The following GCC1 variants were observed in gnomAD, a reference collection of about 807,000 sequenced individuals.
GCC1 encodes GRIP and coiled-coil domain containing 1.
In GCC1, 36 loss-of-function variants were observed where a neutral mutation model predicts 62.5. The ratio of observed to expected loss-of-function variants is 0.58; its 90% CI spans 0.44 to 0.76. The LOEUF (loss-of-function observed/expected upper bound fraction) is 0.76. GCC1 is among the 30% of genes least tolerant of loss of function. The probability of loss-of-function intolerance (pLI) is 0.00; values close to 1 mark genes in which losing one functional copy is unlikely to be tolerated. For synonymous variants in GCC1, 391 were observed against 386.8 expected, an observed-to-expected ratio of 1.01 and a Z score of -0.13; for missense variants, 885 against 948.3, an observed-to-expected ratio of 0.93 and a Z score of 0.88.
In GCC1 at chr7:127,581,940, G is replaced by A. The variant is rs1794138683; in HGVS notation, c.*74C>T. 9.0e-7 allele frequency: 1 copy of A among 1,112,752 alleles called. No homozygotes were observed. The allele number at this position is 1,112,752 out of a possible 1,614,324, so 68.9% of individuals were successfully genotyped here. ...AAATAAATGACAATGTAAGAGAAGA[G>A]GCAGCAGAAACCAGAGCCTGCCCTT... On this transcript the variant is annotated 3_prime_UTR_variant, in exon 2 of 2. Transcript: ENST00000321407.
chr7:127,583,336 T>C (rs773196041), intron 1 of GCC1, 27 bp from the exon 2 acceptor site: 1 of 1,539,094 alleles, frequency 6.5e-7, no homozygotes, highest in Non-Finnish European at 8.8e-7. Flanking sequence ...CAGACAAAAA[T>C]GCATCCACAA....
rs1176596368 is a variant in GCC1, at chr7:127,582,676, G to C, written c.1666C>G (p.Leu556Val). ...CGGTGGAGCTGCTGCAGCCGGGCCA[G>C]CTCCTGCTTCCAGTCATCAGCCTCC... ...QQEADDWKQE[L>V]ARLQQLHRQE... Residue 556 changes from leucine to valine, a missense_variant, in exon 2 of 2, where the codon CTG becomes GTG. Coordinates refer to ENST00000321407, the MANE Select transcript of GCC1 (RefSeq NM_024523.6). The surrounding 1 kb of genome is among the most constrained non-coding windows in gnomAD (Gnocchi z 4.8). 3 of 1,613,856 alleles carry C rather than the reference G, an allele frequency of 1.9e-6. No individual in the cohort carries two copies. Among genetic ancestry groups the C allele is most frequent in the African/African-American group, 2.7e-5 (2 of 75,060 alleles).
At position 127,584,266 on chromosome 7, in the gene GCC1, A is replaced by T; in HGVS notation, c.917T>A (p.Leu306Gln). The T allele has an allele frequency of 6.2e-7, 1 of 1,613,570 alleles. No individual in the cohort carries two copies. Among genetic ancestry groups the T allele is most frequent in the Non-Finnish European group, 8.5e-7 (1 of 1,179,924 alleles). Residue 306 changes from leucine (L) to glutamine (Q), a missense_variant, in exon 1 of 2, where the codon CTG (leucine) becomes CAG (glutamine). Physicochemically the swap from Leu to Gln is moderately radical, Grantham distance 113. Coordinates refer to ENST00000321407, the MANE Select transcript of GCC1 (RefSeq NM_024523.6). ...ATTCTTCTCATCTCGAATGGCCTGC[A>T]GTTCACTTTTCAGCTCCTCCACCTC... is the stretch of plus-strand genomic sequence containing the variant. Reference protein sequence around the residue: ...TREVEELKSELQAIRDEKNQP... With the variant: ...TREVEELKSEQQAIRDEKNQP...
rs1411282356 is a variant in GCC1 at position 127,585,228 on chromosome 7, G to C, written c.-46C>G. On this transcript the variant is annotated 5_prime_UTR_variant, in exon 1 of 2. Transcript: ENST00000321407. The stretch of plus-strand genomic sequence containing the variant: ...CCCACGTCAGCTTTCCAGCAGAACG[G>C]GAGAGGGCCGTGAAGACGCAGGCGG... The C allele has an allele frequency of 2.6e-6, 4 of 1,512,770 alleles. No homozygotes were observed. Among genetic ancestry groups the C allele is most frequent in the South Asian group, 1.3e-5 (1 of 76,664 alleles). 93.7% of individuals were successfully genotyped at this position (1,512,770 alleles called of 1,614,324 possible).
intron 1 of GCC1, among the ~76,000 whole-genome samples, chr7:127,583,838 G>A (rs932857224): frequency 6.6e-6 from 1 of 152,168 alleles, no homozygotes; most frequent in Non-Finnish European, 1.5e-5. Context: ...ACCAACAGAA[G>A]ACACGCTACC....
In GCC1 at chr7:127,582,773, C is replaced by T. The variant is rs1256579014; in HGVS notation, c.1569G>A (p.Gln523=). 6.2e-7 allele frequency: 1 copy of T among 1,614,222 alleles called. No individual in the cohort carries two copies. The highest frequency in any genetic ancestry group is 8.5e-7 in the Non-Finnish European group (1 of 1,180,034). Residue 523 remains glutamine, a synonymous_variant, in exon 2 of 2, where the codon CAG becomes CAA. Transcript: ENST00000321407. The surrounding 1 kb of genome is among the most constrained non-coding windows in gnomAD (Gnocchi z 4.8). ...LGKELEAAQE[Q]LAELKEKYIS... ...TATACTTCTCCTTCAGCTCTGCAAG[C>T]TGTTCCTGGGCTGCCTCCAGCTCCT...
chr7:127,583,077 C>A lies in GCC1; in HGVS notation c.1265G>T (p.Gly422Val). Residue 422 changes from glycine (G) to valine (V), a missense_variant, in exon 2 of 2, where the codon GGA becomes GTA. Gly to Val is a moderately radical substitution (Grantham distance 109). Transcript: ENST00000321407. ...ATTGACATCCAGACTGGACTCCTCT[C>A]CATGGCTGTCTAAAGGGGACCTGCT... is the stretch of plus-strand genomic sequence containing the variant. ...ASSRSPLDSH[G>V]EESSLDVNVL... The A allele has an allele frequency of 3.7e-6, 6 of 1,614,134 alleles. No homozygotes were observed. The highest frequency in any genetic ancestry group is 5.1e-6 in the Non-Finnish European group (6 of 1,180,026).
chr7:127,581,996 G>T lies in GCC1; in HGVS notation c.*18C>A. The T allele has an allele frequency of 6.3e-7, 1 of 1,588,544 alleles. No homozygotes were observed. The highest frequency in any genetic ancestry group is 8.6e-7 in the Non-Finnish European group (1 of 1,161,466). ...CATAAAAGAGGCACAGAAATTCCAG[G>T]AATTCATGAAAATGGCATCATCTCT... On this transcript the variant is annotated 3_prime_UTR_variant, in exon 2 of 2. Coordinates refer to ENST00000321407, the MANE Select transcript of GCC1 (RefSeq NM_024523.6).
chr7:127,584,541 T>C lies in GCC1; in HGVS notation c.642A>G (p.Glu214=), dbSNP rs755738074. The stretch of plus-strand genomic sequence containing the variant: ...CTATTTGCTCCTGCAGCCCCTTCAA[T>C]TCTCCCTCCAGGCGGGCCCTCTCCT... The part of the protein sequence containing the change: ...AEEERARLEG[E]LKGLQEQIAE... The change falls in exon 1 of 2, where the codon GAA becomes GAG. Residue 214 remains glutamate (E), a synonymous_variant. Transcript: ENST00000321407. 1 of 1,613,994 alleles carries C rather than the reference T, an allele frequency of 6.2e-7. No individual in the cohort carries two copies. The highest frequency in any genetic ancestry group is 8.5e-7 in the Non-Finnish European group (1 of 1,180,002).
chr7:127,584,696 T>C lies in GCC1; in HGVS notation c.487A>G (p.Thr163Ala), dbSNP rs375812885. Residue 163 changes from threonine to alanine, a missense_variant, in exon 1 of 2, where the codon ACT (threonine) becomes GCT (alanine). Transcript: ENST00000321407. ...EVDKRLHQLK[T>A]QLATLTSSLA... ...GAACTGGTCAAAGTAGCCAACTGAG[T>C]CTTCAGCTGGTGCAGTCTTTTGTCC... 6.8e-6 allele frequency: 11 copies of C among 1,613,932 alleles called. No homozygotes were observed. In the East Asian group the frequency reaches 1.1e-4, roughly 16 times the overall value.
In GCC1 at chr7:127,582,140, A is replaced by G. The variant is rs1213656519; in HGVS notation, c.2202T>C (p.Pro734=). 1 of 1,614,206 alleles carries G rather than the reference A, an allele frequency of 6.2e-7. No homozygotes were observed. The highest frequency in any genetic ancestry group is 1.3e-5 in the African/African-American group (1 of 75,052). ...GAGTCTGCTGGCGGCCCAGGGAGTC[A>G]GGTAAGGTCAGGAAGCGGTAGATGA... ...KNIIYRFLTL[P]DSLGRQQTLT... The change falls in exon 2 of 2, where the codon CCT becomes CCC. Residue 734 remains proline (P), a synonymous_variant. Transcript: ENST00000321407. This position sits in a 1 kb window ranked among gnomAD's most constrained non-coding sequence, Gnocchi z 4.8.
rs201415172 is a variant in GCC1 at position 127,584,777 on chromosome 7, A to T, written c.406T>A (p.Ser136Thr). 6.2e-7 allele frequency: 1 copy of T among 1,614,130 alleles called. No individual in the cohort carries two copies. Among genetic ancestry groups the T allele is most frequent in the Non-Finnish European group, 8.5e-7 (1 of 1,180,014 alleles). Residue 136 changes from serine (S) to threonine (T), a missense_variant, in exon 1 of 2, where the codon TCC (serine) becomes ACC (threonine). Ser to Thr is a moderately conservative substitution (Grantham distance 58, BLOSUM62 1). Coordinates refer to ENST00000321407, the MANE Select transcript of GCC1 (RefSeq NM_024523.6). ...CTGCTACTGCTAACGCCACTCTCGG[A>T]CCAACTGGCCTCTTCGGACTTTGGA... The part of the protein sequence containing the change: ...PPPKSEEASW[S>T]ESGVSSSSGD...
At position 127,582,359 on chromosome 7, in the gene GCC1, G is replaced by A. The variant is rs765009526; in HGVS notation, c.1983C>T (p.Ala661=). The A allele has an allele frequency of 5.0e-6, 8 of 1,614,204 alleles. No individual in the cohort carries two copies. In the East Asian group the frequency reaches 1.1e-4, roughly 22 times the overall value. Residue 661 remains alanine (A), a synonymous_variant, in exon 2 of 2, where the codon GCC becomes GCT. Coordinates refer to ENST00000321407, the MANE Select transcript of GCC1 (RefSeq NM_024523.6). This position sits in a 1 kb window ranked among gnomAD's most constrained non-coding sequence, Gnocchi z 4.8. The part of the protein sequence containing the change: ...PTFFLYAEQL[A]RKEVEITSLR... ...GTGATGTGATCTCCACCTCCTTGCGGGCCAGTTGCTCAGCGTACAGAAAGA... is the reference window on the plus strand; with the variant it reads ...GTGATGTGATCTCCACCTCCTTGCGAGCCAGTTGCTCAGCGTACAGAAAGA...
chr7:127,585,378 C>G lies in GCC1; in HGVS notation c.-196G>C, dbSNP rs1311192630. 1 of 592,228 alleles carries G rather than the reference C, an allele frequency of 1.7e-6. No homozygotes were observed. The highest frequency in any genetic ancestry group is 1.9e-5 in the African/African-American group (1 of 53,448). The allele number at this position is 592,228 out of a possible 1,614,324, so 36.7% of individuals were successfully genotyped here. On this transcript the variant is annotated 5_prime_UTR_variant, in exon 1 of 2. Transcript: ENST00000321407. ...GAAAGCGGCCGCCCGGTCCCAGGCC[C>G]GGAGGGCTGGGGCGGATTCTACCCC...
In GCC1 at chr7:127,584,185, T is replaced by C. The variant is rs1431315621; in HGVS notation, c.998A>G (p.His333Arg). The change falls in exon 1 of 2, where the codon CAT becomes CGT. Residue 333 changes from histidine (H) to arginine (R), a missense_variant. Coordinates refer to ENST00000321407, the MANE Select transcript of GCC1 (RefSeq NM_024523.6). ...TTCCTGCTGTAACTGAGCCTGGAAA[T>C]GGCTCTTAAGGCGGGCAGCCTCTTC... ...LQEEAARLKS[H>R]FQAQLQQEMR... is the part of the protein sequence containing the mutation. 4 of 1,613,930 alleles carry C rather than the reference T, an allele frequency of 2.5e-6. No individual in the cohort carries two copies. Among genetic ancestry groups the C allele is most frequent in the Non-Finnish European group, 2.5e-6 (3 of 1,180,006 alleles).
chr7:127,584,429 T>G lies in GCC1; in HGVS notation c.754A>C (p.Lys252Gln), dbSNP rs779949532. 2.5e-6 allele frequency: 4 copies of G among 1,613,914 alleles called. No individual in the cohort carries two copies. Among genetic ancestry groups the G allele is most frequent in the African/African-American group, 1.3e-5 (1 of 74,884 alleles). Reference protein sequence around the residue: ...DHALMLRELQKLLQEERTQRQ... With the variant: ...DHALMLRELQQLLQEERTQRQ... ...TGGGTCCTCTCCTCCTGCAGCAGCT[T>G]CTGGAGCTCACGCAGCATCAAGGCA... is the stretch of plus-strand genomic sequence containing the variant. The change falls in exon 1 of 2, where the codon AAG becomes CAG. Residue 252 changes from lysine (K) to glutamine (Q), a missense_variant. Transcript: ENST00000321407.
chr7:127,582,798 T>C lies in GCC1; in HGVS notation c.1544A>G (p.Lys515Arg). ...CTGTTCCTGGGCTGCCTCCAGCTCC[T>C]TTCCCAGGTTACCATCTTTGGTATT... ...SKNTKDGNLG[K>R]ELEAAQEQLA... is the part of the protein sequence containing the mutation. The change falls in exon 2 of 2, where the codon AAG becomes AGG. Residue 515 changes from lysine to arginine, a missense_variant. Transcript: ENST00000321407. The surrounding 1 kb of genome is among the most constrained non-coding windows in gnomAD (Gnocchi z 4.8). 1 of 1,614,234 alleles carries C rather than the reference T, an allele frequency of 6.2e-7. No individual in the cohort carries two copies. The highest frequency in any genetic ancestry group is 8.5e-7 in the Non-Finnish European group (1 of 1,180,048).
rs1794182508 is a variant in GCC1 at position 127,584,958 on chromosome 7, T to G, written c.225A>C (p.Pro75=). 1.2e-6 allele frequency: 2 copies of G among 1,614,180 alleles called. No homozygotes were observed. The highest frequency in any genetic ancestry group is 1.7e-6 in the Non-Finnish European group (2 of 1,180,032). The change falls in exon 1 of 2, where the codon CCA becomes CCC. Residue 75 remains proline (P), a synonymous_variant. Transcript: ENST00000321407. The part of the protein sequence containing the change: ...ADVGLAGVQL[P]GLTFPDSVDD... ...CCACAGAGTCAGGAAAGGTGAGGCC[T>G]GGAAGCTGGACACCTGCGAGGCCCA...
chr7:127,582,048 G>A lies in GCC1; in HGVS notation c.2294C>T (p.Thr765Ile), dbSNP rs1313835192. ...EEKQVIMRLP[T>I]SASWWPSGKR is the part of the protein sequence containing the mutation. ...GCCAGAAGGCCACCAGCTGGCACTG[G>A]TTGGGAGTCGCATTATCACTTGTTT... Residue 765 changes from threonine (T) to isoleucine (I), a missense_variant, in exon 2 of 2, where the codon ACC becomes ATC. Thr to Ile is a moderately conservative substitution (Grantham distance 89). Coordinates refer to ENST00000321407, the MANE Select transcript of GCC1 (RefSeq NM_024523.6). The surrounding 1 kb of genome is among the most constrained non-coding windows in gnomAD (Gnocchi z 4.8). 3.7e-6 allele frequency: 6 copies of A among 1,613,860 alleles called. No individual in the cohort carries two copies. Among genetic ancestry groups the A allele is most frequent in the Non-Finnish European group, 4.2e-6 (5 of 1,179,740 alleles).
Sources: allele counts gnomAD v4.1 joint callset (sites outside exome capture counted in the v4.1 genomes callset), GRCh38; gene constraint gnomAD v4.1.1; non-coding constraint Gnocchi (gnomAD v3.1); transcripts MANE v1.5; gene names NCBI Gene and HGNC (gene_info 2026-07-23, HGNC 2026-07-21).